The following NEO1 variants were observed in gnomAD, a reference collection of about 807,000 sequenced individuals.
NEO1 encodes neogenin.
In NEO1, 63 loss-of-function variants were observed where a neutral mutation model predicts 159.7. The observed-to-expected ratio is 0.39, with a 90% CI of 0.32 to 0.49. NEO1 has a LOEUF of 0.49. NEO1 is among the 20% of genes least tolerant of loss of function. The pLI is 0.85. For missense variants in NEO1, 1,615 were observed against 1,831.0 expected (o/e 0.88, Z 2.15); for synonymous variants, 633 against 662.0 (o/e 0.96, Z 0.67).
At chr15:73,274,630 C>T in intron 20 of NEO1, 62 bp from the exon 21 acceptor site, 1 of 1,544,824 alleles carries the variant, frequency 6.5e-7, no homozygotes, top group Non-Finnish European at 8.9e-7. Context: ...TTCTGCCTGT[C>T]CCATCTTCAA....
At chr15:73,146,147 C>G (rs1316188416) in intron 5 of NEO1, among the ~76,000 whole-genome samples, 1 of 152,158 alleles carries the variant, frequency 6.6e-6, no homozygotes, top group African/African-American at 2.4e-5. Flanking sequence ...GTATTTTATA[C>G]ATTATCTGTC....
intron 4 of NEO1, among the ~76,000 whole-genome samples, chr15:73,132,945 A>G (rs1303133027): frequency 6.6e-6 from 1 of 152,214 alleles, no homozygotes; most frequent in African/African-American, 2.4e-5. Context: ...AATGTAAGCT[A>G]GTACAACCAC....
chr15:73,288,667 A>C (rs1226496752), intron 24 of NEO1, 116 bp downstream of exon 24: 1 of 817,082 alleles, frequency 1.2e-6, no homozygotes. Flanking sequence ...GATCAGATTT[A>C]GAGAAATGTG....
At chr15:73,092,132 G>C (rs2069729067) in intron 1 of NEO1, among the ~76,000 whole-genome samples, 1 of 152,000 alleles carries the variant, frequency 6.6e-6, no homozygotes, top group African/African-American at 2.4e-5. Context: ...ACAACTTCAG[G>C]GTTCATACAG....
intron 7 of NEO1, among the ~76,000 whole-genome samples, chr15:73,200,816 T>C (rs1302994088): frequency 6.6e-6 from 1 of 151,806 alleles, no homozygotes; most frequent in African/African-American, 2.4e-5. Flanking sequence ...CTCAAGTAGC[T>C]GGGTCCACAG....
At chr15:73,130,174 A>G (rs1334420016) in intron 4 of NEO1, among the ~76,000 whole-genome samples, 2 of 152,062 alleles carry the variant, frequency 1.3e-5, no homozygotes, top group South Asian at 2.1e-4. Context: ...GGGTTTCACC[A>G]TGTTGGCCAG....
At chr15:73,246,249 G>A (rs1046020992) in intron 9 of NEO1, among the ~76,000 whole-genome samples, 4 of 152,142 alleles carry the variant, frequency 2.6e-5, no homozygotes, top group Admixed American at 2.6e-4. Context: ...GAGCAGGCAA[G>A]GTAGGAGACC....
chr15:73,137,119 A>G lies in NEO1; in HGVS notation c.1015+1092A>G, dbSNP rs550500031. ...GCCTTTAGTGCTTTCACAAACATAT[A>G]TATTACCAGAGTGGTTGGTACCCTT... is the stretch of plus-strand genomic sequence containing the variant. On this transcript the variant is annotated intron_variant, in intron 5 of 28. Coordinates refer to ENST00000261908, the MANE Select transcript of NEO1 (RefSeq NM_002499.4). 5.9e-5 allele frequency among the ~76,000 whole-genome samples: 9 copies of G among 152,236 alleles called. No homozygotes were observed. In the South Asian group the frequency reaches 1.2e-3, roughly 21 times the overall value.
At chr15:73,186,727 C>T (rs1387178833) in intron 7 of NEO1, among the ~76,000 whole-genome samples, 1 of 151,884 alleles carries the variant, frequency 6.6e-6, no homozygotes, top group Non-Finnish European at 1.5e-5. Flanking sequence ...ATTTTAAAAG[C>T]AAATGGGTGC....
At chr15:73,194,865 G>C (rs796547688) in intron 7 of NEO1, among the ~76,000 whole-genome samples, 5 of 152,316 alleles carry the variant, frequency 3.3e-5, no homozygotes, top group African/African-American at 1.2e-4. Flanking sequence ...GGGATTTTCT[G>C]TATAAGTGTA....
At chr15:73,226,704 A>G (rs1021787414) in intron 7 of NEO1, among the ~76,000 whole-genome samples, 1 of 152,190 alleles carries the variant, frequency 6.6e-6, no homozygotes, top group Non-Finnish European at 1.5e-5. Flanking sequence ...GTTCTGAATA[A>G]TGAATTCTGA....
At chr15:73,179,977 T>G (rs2035508209) in intron 7 of NEO1, among the ~76,000 whole-genome samples, 1 of 152,146 alleles carries the variant, frequency 6.6e-6, no homozygotes, top group African/African-American at 2.4e-5. Context: ...TTTATGTGAT[T>G]ATTTTCTTAT....
intron 1 of NEO1, among the ~76,000 whole-genome samples, chr15:73,111,469 AAATT>A: frequency 6.6e-6 from 1 of 152,316 alleles, no homozygotes; most frequent in South Asian, 2.1e-4. Flanking sequence ...GTGAAAGAAA[AAATT>A]AAAAATCAAC....
chr15:73,167,500 G>A (rs554248462), intron 5 of NEO1, among the ~76,000 whole-genome samples: 2 of 152,284 alleles, frequency 1.3e-5, no homozygotes, highest in South Asian at 4.1e-4. Flanking sequence ...CCCTCAAGGG[G>A]TTCCTGCTCC....
intron 13 of NEO1, 80 bp from the exon 14 acceptor site, chr15:73,258,686 T>G (rs2040477924): frequency 1.7e-6 from 2 of 1,194,868 alleles, no homozygotes; most frequent in East Asian, 4.8e-5. Flanking sequence ...GACTGAGATG[T>G]TTGCCTTAAT....
intron 7 of NEO1, among the ~76,000 whole-genome samples, chr15:73,203,323 T>G (rs36072085): frequency 0.29 from 43,877 of 152,034 alleles, 7,398 homozygotes; most frequent in East Asian, 0.57. Flanking sequence ...GGGTGTAAAG[T>G]AATTATCCCT....
intron 25 of NEO1, among the ~76,000 whole-genome samples, chr15:73,290,224 A>ATTTTTTTTTTT (rs34114271): frequency 1.2e-5 from 1 of 82,252 alleles, no homozygotes; most frequent in African/African-American, 4.2e-5. Context: ...ACTGTGTGGA[A>ATTTTTTTTTTT]TTTTTTTTTT....
intron 13 of NEO1, chr15:73,255,847 A>G (rs1027732365): frequency 6.6e-6 from 1 of 152,176 alleles, no homozygotes; most frequent in East Asian, 1.9e-4. Context: ...CTGTTTTGCA[A>G]GCAAACAGAT....
intron 26 of NEO1, among the ~76,000 whole-genome samples, chr15:73,297,456 A>G (rs1023566675): frequency 6.6e-6 from 1 of 152,224 alleles, no homozygotes; most frequent in Non-Finnish European, 1.5e-5. Context: ...AGCACTTTTC[A>G]TACATCTCAT....
Sources: allele counts gnomAD v4.1 joint callset (sites outside exome capture counted in the v4.1 genomes callset), GRCh38; gene constraint gnomAD v4.1.1; transcripts MANE v1.5; gene names NCBI Gene and HGNC (gene_info 2026-07-23, HGNC 2026-07-21).